CFAP96: variants seen among roughly 807,000 people sequenced by gnomAD.
The protein encoded by CFAP96 is cilia-and flagella-associated protein 96.
the CFAP96 span, among the ~76,000 whole-genome samples, chr4:185,435,290 A>C: frequency 0.012 from 1,824 of 152,292 alleles, 34 homozygotes; most frequent in African/African-American, 0.042. Context: ...ATGTCTTTCT[A>C]GTTTTTGAAA....
the CFAP96 span, chr4:185,422,597 G>T: frequency 1.4e-6 from 2 of 1,448,328 alleles, no homozygotes; most frequent in Non-Finnish European, 1.9e-6. Context: ...AAACTCCCTT[G>T]TAAAACAAAA....
chr4:185,427,064 CAAA>C, the CFAP96 span, among the ~76,000 whole-genome samples: 3 of 135,964 alleles, frequency 2.2e-5, no homozygotes, highest in Non-Finnish European at 4.7e-5. Flanking sequence ...GACTCCGTCT[CAAA>C]AAAAAAAAAA....
the CFAP96 span, chr4:185,422,510 C>T: frequency 1.2e-6 from 2 of 1,611,068 alleles, no homozygotes; most frequent in African/African-American, 2.7e-5. Flanking sequence ...GCTGAAAAGC[C>T]AAATCAAGGC....
At chr4:185,436,139 A>G in the CFAP96 span, 1 of 1,551,510 alleles carries the variant, frequency 6.4e-7, no homozygotes, top group African/African-American at 1.4e-5. Context: ...AGGCACCTGG[A>G]AAGAATTTAT....
the CFAP96 span, chr4:185,445,674 A>G: frequency 1.7e-6 from 1 of 577,774 alleles, no homozygotes; most frequent in Non-Finnish European, 3.0e-6. Context: ...AAAACTGAAA[A>G]AGTTCTTTGG....
the CFAP96 span, among the ~76,000 whole-genome samples, chr4:185,428,095 A>G: frequency 6.6e-6 from 1 of 152,216 alleles, no homozygotes; most frequent in South Asian, 2.1e-4. Flanking sequence ...TCAAAAAAAA[A>G]AAAAAAATGG....
At chr4:185,432,238 C>A in the CFAP96 span, 2 of 1,404,034 alleles carry the variant, frequency 1.4e-6, no homozygotes, top group South Asian at 1.3e-5. Flanking sequence ...AATATACCTC[C>A]TGTACCTTTA....
chr4:185,430,012 G>T, the CFAP96 span, among the ~76,000 whole-genome samples: 3 of 152,160 alleles, frequency 2.0e-5, no homozygotes, highest in South Asian at 6.2e-4. Flanking sequence ...GTTTTATTAG[G>T]GTATTCTATC....
the CFAP96 span, among the ~76,000 whole-genome samples, chr4:185,420,336 A>T: frequency 6.6e-6 from 1 of 152,198 alleles, no homozygotes. Context: ...TGACACATTC[A>T]ATTTGGAAAC....
At chr4:185,443,067 A>G in the CFAP96 span, among the ~76,000 whole-genome samples, 2 of 151,818 alleles carry the variant, frequency 1.3e-5, no homozygotes, top group African/African-American at 4.8e-5. Context: ...TTGTGTTTCT[A>G]TGTTCTATAG....
At chr4:185,417,772 G>A in the CFAP96 span, among the ~76,000 whole-genome samples, 2 of 152,104 alleles carry the variant, frequency 1.3e-5, no homozygotes, top group East Asian at 1.9e-4. Flanking sequence ...AGCCGGGCGC[G>A]GTGGCTCACA....
chr4:185,436,399 T>G, the CFAP96 span: 1 of 1,377,520 alleles, frequency 7.3e-7, no homozygotes, highest in East Asian at 2.5e-5. Context: ...TTTCTTTTAT[T>G]TAGCTAACTC....
At chr4:185,425,734 C>T in the CFAP96 span, 2 of 1,364,252 alleles carry the variant, frequency 1.5e-6, no homozygotes, top group Non-Finnish European at 2.0e-6. Flanking sequence ...AGCCGCCCTG[C>T]CCACGCAGCT....
the CFAP96 span, among the ~76,000 whole-genome samples, chr4:185,426,823 C>T: frequency 1.5e-4 from 22 of 144,158 alleles, no homozygotes; most frequent in African/African-American, 5.0e-4. Flanking sequence ...CCTGCGCTCA[C>T]GAGTTCGAGG....
At chr4:185,426,174 C>T in the CFAP96 span, 1 of 457,064 alleles carries the variant, frequency 2.2e-6, no homozygotes, top group Non-Finnish European at 4.0e-6. Context: ...CTCGTATCCT[C>T]CCACAGCGTG....
chr4:185,415,696 AT>A, the CFAP96 span: 178 of 1,602,662 alleles, frequency 1.1e-4, no homozygotes, highest in African/African-American at 2.0e-3. Context: ...CAGTGGTACT[AT>A]AAAAATACTT....
chr4:185,415,623 CCTTAGGTATACCTACA>C, the CFAP96 span: 1 of 1,202,118 alleles, frequency 8.3e-7, no homozygotes, highest in Non-Finnish European at 1.2e-6. Flanking sequence ...GAAAATCACA[CCTTAGGTATACCTACA>C]GGATATACAA....
the CFAP96 span, among the ~76,000 whole-genome samples, chr4:185,428,580 CAACA>C: frequency 8.0e-3 from 50 of 6,268 alleles, no homozygotes; most frequent in East Asian, 0.086. Flanking sequence ...ACAACAACAA[CAACA>C]AAAAAAAAAG....
chr4:185,411,047 A>T, the CFAP96 span, among the ~76,000 whole-genome samples: 1 of 151,754 alleles, frequency 6.6e-6, no homozygotes, highest in Non-Finnish European at 1.5e-5. Flanking sequence ...AGCAAAAAAA[A>T]AGAAAGTAAA....
Sources: allele counts gnomAD v4.1 joint callset (sites outside exome capture counted in the v4.1 genomes callset), GRCh38; gene constraint gnomAD v4.1.1; transcripts MANE v1.5; gene names NCBI Gene and HGNC (gene_info 2026-07-23, HGNC 2026-07-21).